PTGES3: variants seen among roughly 807,000 people sequenced by gnomAD.
The protein encoded by PTGES3 is prostaglandin E synthase 3, also known as Hsp90 co-chaperone.
In PTGES3, 5 loss-of-function variants were observed where a neutral mutation model predicts 29.9. The ratio of observed to expected loss-of-function variants is 0.17; its 90% CI spans 0.09 to 0.35. The LOEUF (loss-of-function observed/expected upper bound fraction) is 0.35. Among genes scored for constraint, PTGES3 ranks in the 10% least tolerant of loss-of-function variants. The pLI is 1.00. For synonymous variants in PTGES3, 49 were observed against 57.8 expected, an observed-to-expected ratio of 0.85 and a Z score of 0.69; for missense variants, 128 against 190.0, an observed-to-expected ratio of 0.67 and a Z score of 1.92.
chr12:56,664,900 T>C (rs1951730783), intron 6 of PTGES3, 100 bp from the exon 7 acceptor site: 1 of 1,522,528 alleles, frequency 6.6e-7, no homozygotes, highest in Non-Finnish European at 8.8e-7. Flanking sequence ...TTGACTAAAG[T>C]AGCACAGGTA....
At chr12:56,665,850 G>A (rs1386533272) in intron 6 of PTGES3, 15 of 846,054 alleles carry the variant, frequency 1.8e-5, no homozygotes, top group Admixed American at 6.1e-5. Context: ...GGCTGGTCTC[G>A]AACTCCTGAC....
intron 4 of PTGES3, chr12:56,670,771 C>T (rs1951970955): frequency 1.2e-5 from 2 of 173,582 alleles, no homozygotes; most frequent in African/African-American, 4.7e-5. Flanking sequence ...TGAACTGTGA[C>T]TTTGTATTTT....
intron 5 of PTGES3, among the ~76,000 whole-genome samples, chr12:56,666,842 G>A (rs1592239815): frequency 6.6e-6 from 1 of 152,060 alleles, no homozygotes; most frequent in Admixed American, 6.6e-5. Context: ...GCCCAGGCTG[G>A]TCTCGAATTC....
At chr12:56,674,130 T>TAA (rs1441676706) in intron 1 of PTGES3, among the ~76,000 whole-genome samples, 2 of 152,140 alleles carry the variant, frequency 1.3e-5, no homozygotes, top group African/African-American at 4.8e-5. Context: ...CAGTACATCT[T>TAA]AAGAATGGGA....
At chr12:56,669,517 A>C (rs1346970451) in intron 5 of PTGES3, among the ~76,000 whole-genome samples, 5 of 152,192 alleles carry the variant, frequency 3.3e-5, no homozygotes. Context: ...TCCTGACCTC[A>C]GGTGATCCGC....
intron 1 of PTGES3, chr12:56,687,729 A>G: frequency 7.3e-7 from 1 of 1,362,676 alleles, no homozygotes; most frequent in Non-Finnish European, 9.4e-7. Flanking sequence ...GAAAGAGGCG[A>G]GTAACCCAGA....
intron 1 of PTGES3, among the ~76,000 whole-genome samples, chr12:56,677,762 C>T (rs1952326095): frequency 6.6e-6 from 1 of 151,986 alleles, no homozygotes; most frequent in Admixed American, 6.6e-5. Context: ...GAGGGGTTTG[C>T]AGTACAATCT....
chr12:56,683,276 G>C (rs1952640825), intron 1 of PTGES3, among the ~76,000 whole-genome samples: 1 of 151,116 alleles, frequency 6.6e-6, no homozygotes. Flanking sequence ...CTGAAGTCGG[G>C]AGTTTGAGAC....
chr12:56,678,673 G>A lies in PTGES3; in HGVS notation c.3-5608C>T, dbSNP rs147389555. 4.7e-3 allele frequency among the ~76,000 whole-genome samples: 718 copies of A among 152,204 alleles called. 3 individuals carry two copies. The highest frequency in any genetic ancestry group is 0.027 in the Middle Eastern group (8 of 294). Reference sequence around the variant, plus strand: ...CAGATACTAACATATTAAAATTATGGTATTTAGGAACAAATACGGTCTCTG... The same window carrying A: ...CAGATACTAACATATTAAAATTATGATATTTAGGAACAAATACGGTCTCTG... On this transcript the variant is annotated intron_variant, in intron 1 of 7. Coordinates refer to ENST00000262033, the MANE Select transcript of PTGES3 (RefSeq NM_006601.7).
chr12:56,678,624 TTA>T (rs1301950945), intron 1 of PTGES3, among the ~76,000 whole-genome samples: 1 of 152,188 alleles, frequency 6.6e-6, no homozygotes, highest in Admixed American at 6.6e-5. Flanking sequence ...TTGCAGTGTT[TTA>T]TAAATTAGAG....
chr12:56,674,823 C>A (rs1239959736), intron 1 of PTGES3, among the ~76,000 whole-genome samples: 3 of 15,036 alleles, frequency 2.0e-4, no homozygotes, highest in African/African-American at 8.1e-4. Context: ...AAGACTCCAT[C>A]TCAAAAAAAA....
intron 1 of PTGES3, 191 bp downstream of exon 1, chr12:56,687,807 G>C: frequency 7.0e-7 from 1 of 1,435,656 alleles, no homozygotes; most frequent in Non-Finnish European, 9.1e-7. Flanking sequence ...GGTGGGGGAA[G>C]CAGACATCTG....
chr12:56,673,134 G>A (rs1357924566), intron 1 of PTGES3, 69 bp from the exon 2 acceptor site: 22 of 1,024,244 alleles, frequency 2.1e-5, no homozygotes, highest in Non-Finnish European at 2.8e-5. Context: ...ACTAACCTTC[G>A]ACACCATTAT....
rs561421267 is a variant in PTGES3, at chr12:56,686,545, T to C, written c.2+1453A>G. Among the ~76,000 whole-genome samples, 15 of 152,106 alleles carry C rather than the reference T, an allele frequency of 9.9e-5. No individual in the cohort carries two copies. In the East Asian group the frequency reaches 1.4e-3, roughly 14 times the overall value. On this transcript the variant is annotated intron_variant, in intron 1 of 7. Transcript: ENST00000262033. ...ATGTGCCACCACGCCCGGCTAATTT[T>C]TTTTGTATTTTTGCAGCGACGCGGT... is the stretch of plus-strand genomic sequence containing the variant.
At chr12:56,683,473 CAA>C (rs71081388) in intron 1 of PTGES3, among the ~76,000 whole-genome samples, 614 of 29,682 alleles carry the variant, frequency 0.021, 12 homozygotes, top group African/African-American at 0.059. Flanking sequence ...AACTCTGTCT[CAA>C]AAAAAAAAAA....
Position 56,665,015 on chromosome 12 carries a change from G to A in PTGES3, c.439-215C>T, listed in dbSNP as rs896231481. On this transcript the variant is annotated intron_variant, in intron 6 of 7. Coordinates refer to ENST00000262033, the MANE Select transcript of PTGES3 (RefSeq NM_006601.7). ...TTTATCTACCTATAAAAAATGATGTGTGCCTTTTGGTGACAATTTAGCCCA... is the reference window on the plus strand; with the variant it reads ...TTTATCTACCTATAAAAAATGATGTATGCCTTTTGGTGACAATTTAGCCCA... The A allele has an allele frequency of 5.1e-5, 50 of 985,338 alleles. No homozygotes were observed. The Middle Eastern group carries it at 1.6e-3, about 31-fold the overall frequency. The allele number at this position is 985,338 out of a possible 1,614,324, so 61.0% of individuals were successfully genotyped here.
intron 1 of PTGES3, among the ~76,000 whole-genome samples, chr12:56,686,395 C>T (rs1327764949): frequency 1.3e-5 from 2 of 150,348 alleles, no homozygotes; most frequent in East Asian, 2.0e-4. Context: ...TATTTTGAGA[C>T]GGGTTTTCAC....
chr12:56,683,134 G>C (rs986450821), intron 1 of PTGES3, among the ~76,000 whole-genome samples: 2 of 151,886 alleles, frequency 1.3e-5, no homozygotes, highest in Non-Finnish European at 2.9e-5. Context: ...TGGATCATGA[G>C]GTCAGGAGTT....
chr12:56,679,952 G>A (rs980321217), intron 1 of PTGES3, among the ~76,000 whole-genome samples: 2 of 151,908 alleles, frequency 1.3e-5, no homozygotes, highest in African/African-American at 4.8e-5. Flanking sequence ...TAGGATTACA[G>A]GCATGAGCCA....
Sources: allele counts gnomAD v4.1 joint callset (sites outside exome capture counted in the v4.1 genomes callset), GRCh38; gene constraint gnomAD v4.1.1; transcripts MANE v1.5; gene names NCBI Gene and HGNC (gene_info 2026-07-23, HGNC 2026-07-21).